The following MALRD1 variants were observed in gnomAD, a reference collection of about 807,000 sequenced individuals.
MALRD1 encodes the protein MAM and LDL-receptor class A domain-containing protein 1.
A neutral mutation model predicts 242.1 loss-of-function variants in MALRD1; 247 were observed. The ratio of observed to expected loss-of-function variants is 1.02; its 90% CI spans 0.92 to 1.13. The LOEUF is 1.13. MALRD1 is among the 50% of genes most tolerant of loss of function. The probability of loss-of-function intolerance (pLI) is 0.00; values close to 1 mark genes in which losing one functional copy is unlikely to be tolerated. For missense variants in MALRD1, 2,989 were observed against 2,533.1 expected (o/e 1.18, Z -3.86); for synonymous variants, 995 against 866.6 (o/e 1.15, Z -2.60).
chr10:19,071,044 G>A (rs1034009251), intron 2 of MALRD1, among the ~76,000 whole-genome samples: 1 of 151,324 alleles, frequency 6.6e-6, no homozygotes, highest in Non-Finnish European at 1.5e-5. Flanking sequence ...TAGAGATGAG[G>A]TTCTCCATGT....
intron 19 of MALRD1, among the ~76,000 whole-genome samples, chr10:19,268,875 T>A (rs751104957): frequency 4.6e-5 from 7 of 152,138 alleles, no homozygotes; most frequent in Admixed American, 4.6e-4. Context: ...GATCACTGAG[T>A]CCATTTGGAG....
chr10:19,576,641 C>A (rs1169418796), intron 33 of MALRD1, among the ~76,000 whole-genome samples: 1 of 152,074 alleles, frequency 6.6e-6, no homozygotes, highest in Non-Finnish European at 1.5e-5. Context: ...TAAAATGATC[C>A]CATCAAACAG....
At chr10:19,509,947 A>ACCCGGAGGG (rs778184718) in intron 31 of MALRD1, among the ~76,000 whole-genome samples, 2 of 152,202 alleles carry the variant, frequency 1.3e-5, no homozygotes, top group African/African-American at 4.8e-5. Context: ...CATACAGAGG[A>ACCCGGAGGG]TCCGCTCCAG....
At chr10:19,086,957 G>A (rs1233626581) in intron 2 of MALRD1, among the ~76,000 whole-genome samples, 1 of 152,028 alleles carries the variant, frequency 6.6e-6, no homozygotes. Flanking sequence ...GCTTCCCTAT[G>A]TTAGTGAACT....
At chr10:19,301,686 G>A (rs941012885) in intron 21 of MALRD1, among the ~76,000 whole-genome samples, 6 of 151,678 alleles carry the variant, frequency 4.0e-5, no homozygotes, top group Non-Finnish European at 8.8e-5. Context: ...CACAAAGAAG[G>A]GAACAACAGT....
At chr10:19,236,837 T>G (rs892260534) in intron 18 of MALRD1, among the ~76,000 whole-genome samples, 20 of 152,200 alleles carry the variant, frequency 1.3e-4, no homozygotes, top group African/African-American at 4.6e-4. Context: ...TATTTTATAT[T>G]TCAGTAGTAT....
chr10:19,053,765 T>G (rs1305820962), intron 1 of MALRD1, among the ~76,000 whole-genome samples: 1 of 151,452 alleles, frequency 6.6e-6, no homozygotes, highest in African/African-American at 2.4e-5. Context: ...CGCAGTCTTT[T>G]TATTGTCAGA....
chr10:19,194,735 T>C (rs1836154150), intron 14 of MALRD1, among the ~76,000 whole-genome samples: 1 of 152,156 alleles, frequency 6.6e-6, no homozygotes, highest in Non-Finnish European at 1.5e-5. Flanking sequence ...TTTTCCTTGA[T>C]AAAGTCTTAG....
At chr10:19,440,464 A>T (rs1006894011) in intron 28 of MALRD1, among the ~76,000 whole-genome samples, 2 of 151,990 alleles carry the variant, frequency 1.3e-5, no homozygotes, top group Non-Finnish European at 2.9e-5. Context: ...CATTTACATT[A>T]GGTATTTCTC....
In MALRD1 at chr10:19,434,597, T is replaced by A. The variant is rs1049936585; in HGVS notation, c.4846-15710T>A. 2.6e-5 allele frequency among the ~76,000 whole-genome samples: 4 copies of A among 152,088 alleles called. No homozygotes were observed. In the East Asian group the frequency reaches 7.7e-4, roughly 29 times the overall value. On this transcript the variant is annotated intron_variant, in intron 28 of 39. Transcript: ENST00000454679. ...AAAGAATTATATATATTAATCTAGA[T>A]TCACATATTATTCTACATTCAAGCC...
intron 18 of MALRD1, among the ~76,000 whole-genome samples, chr10:19,228,695 G>C (rs551215182): frequency 6.6e-6 from 1 of 152,072 alleles, no homozygotes; most frequent in Non-Finnish European, 1.5e-5. Flanking sequence ...ATTTCAATTA[G>C]AACACTCTTA....
chr10:19,650,837 T>C (rs755875466), intron 36 of MALRD1, among the ~76,000 whole-genome samples: 11 of 152,130 alleles, frequency 7.2e-5, no homozygotes, highest in Non-Finnish European at 4.4e-5. Flanking sequence ...TGTCTCCTAT[T>C]AGGTTTAGTA....
chr10:19,088,484 C>T (rs945150672), intron 4 of MALRD1, among the ~76,000 whole-genome samples: 1 of 149,008 alleles, frequency 6.7e-6, no homozygotes, highest in Non-Finnish European at 1.5e-5. Flanking sequence ...TTTCTTGAAC[C>T]CCCTCCATTT....
intron 33 of MALRD1, among the ~76,000 whole-genome samples, chr10:19,573,725 A>T (rs1271818491): frequency 6.6e-6 from 1 of 152,200 alleles, no homozygotes; most frequent in Non-Finnish European, 1.5e-5. Flanking sequence ...ATGAGGAATC[A>T]TTTTGAGAAA....
intron 36 of MALRD1, among the ~76,000 whole-genome samples, chr10:19,654,579 CTGTCT>C (rs1034485093): frequency 3.3e-5 from 5 of 152,184 alleles, no homozygotes; most frequent in African/African-American, 4.8e-5. Flanking sequence ...TAGTAAATGA[CTGTCT>C]TTTCTTTGCT....
At chr10:19,504,390 G>C (rs1445909536) in intron 31 of MALRD1, among the ~76,000 whole-genome samples, 7 of 152,018 alleles carry the variant, frequency 4.6e-5, no homozygotes, top group African/African-American at 4.8e-5. Context: ...TTTCACTCTT[G>C]ATTTGTATCA....
intron 38 of MALRD1, chr10:19,711,074 A>G (rs1299231838): frequency 6.6e-6 from 1 of 152,230 alleles, no homozygotes. Context: ...CAAGGGGTAG[A>G]AACTTGGGAG....
chr10:19,573,374 C>G (rs1432208531), intron 33 of MALRD1, among the ~76,000 whole-genome samples: 1 of 152,134 alleles, frequency 6.6e-6, no homozygotes, highest in South Asian at 2.1e-4. Flanking sequence ...CTCTGGTGCC[C>G]CTTCCTCTGA....
At chr10:19,167,088 G>A (rs1834718333) in intron 13 of MALRD1, among the ~76,000 whole-genome samples, 1 of 152,276 alleles carries the variant, frequency 6.6e-6, no homozygotes, top group African/African-American at 2.4e-5. Flanking sequence ...GGTTGGGGGT[G>A]GTGGCTCATG....
Sources: allele counts gnomAD v4.1 joint callset (sites outside exome capture counted in the v4.1 genomes callset), GRCh38; gene constraint gnomAD v4.1.1; transcripts MANE v1.5; gene names NCBI Gene and HGNC (gene_info 2026-07-23, HGNC 2026-07-21).